Variants in NEU3 observed in about 807,000 individuals in gnomAD.
NEU3 encodes neuraminidase 3.
In NEU3, 10 loss-of-function variants were observed where a neutral mutation model predicts 11.4. That is an observed-to-expected ratio of 0.88 (90% CI 0.54 to 1.49). The LOEUF (loss-of-function observed/expected upper bound fraction) is 1.49. NEU3 is among the 40% of genes most tolerant of loss of function. The probability of loss-of-function intolerance (pLI) is 0.00; values close to 1 mark genes in which losing one functional copy is unlikely to be tolerated. For missense variants in NEU3, 529 were observed against 581.8 expected (o/e 0.91, Z 0.93); for synonymous variants, 212 against 228.2 (o/e 0.93, Z 0.64).
In NEU3 at chr11:75,009,962, C is replaced by T. The variant is rs1187579967; in HGVS notation, c.*3470C>T. 6.6e-6 allele frequency: 1 copy of T among 152,258 alleles called. No homozygotes were observed. The highest frequency in any genetic ancestry group is 1.5e-5 in the Non-Finnish European group (1 of 68,070). 9.4% of individuals were successfully genotyped at this position (152,258 alleles called of 1,614,324 possible). ...GCCCAGAGGACCCACAAAGGTCAAC[C>T]TGAGTCTCCACAGCCTCCTCCCCAG... On this transcript the variant is annotated 3_prime_UTR_variant, in exon 3 of 3. Coordinates refer to ENST00000294064, the MANE Select transcript of NEU3 (RefSeq NM_006656.6).
chr11:74,990,206 T>G (rs1357420517), intron 1 of NEU3: 1 of 542,300 alleles, frequency 1.8e-6, no homozygotes, highest in African/African-American at 1.9e-5. Flanking sequence ...TAGGTAGGTA[T>G]TATTATCCAT....
At chr11:75,015,663 T>A (rs1167590198), downstream of NEU3, among the ~76,000 whole-genome samples, 3 of 152,090 alleles carry the variant, frequency 2.0e-5, no homozygotes, top group African/African-American at 7.2e-5. Flanking sequence ...TACTTCTTCA[T>A]ATATTACCTT....
At chr11:74,994,193 A>G (rs1387474805) in intron 1 of NEU3, among the ~76,000 whole-genome samples, 1 of 152,190 alleles carries the variant, frequency 6.6e-6, no homozygotes, top group Non-Finnish European at 1.5e-5. Context: ...AATAAAAACC[A>G]CCTCAGGCTG....
intron 1 of NEU3, among the ~76,000 whole-genome samples, chr11:74,994,245 C>T (rs113348233): frequency 3.2e-4 from 49 of 152,296 alleles, no homozygotes; most frequent in African/African-American, 1.2e-3. Context: ...TGCAAAACCG[C>T]TCTGCTCCAA....
intron 1 of NEU3, among the ~76,000 whole-genome samples, chr11:74,990,392 T>C (rs1334850805): frequency 6.6e-6 from 1 of 152,130 alleles, no homozygotes; most frequent in Non-Finnish European, 1.5e-5. Context: ...AGTCTTGCTG[T>C]GTCACCCAAG....
At chr11:74,999,758 T>C (rs1948825034) in intron 2 of NEU3, among the ~76,000 whole-genome samples, 1 of 152,230 alleles carries the variant, frequency 6.6e-6, no homozygotes, top group Admixed American at 6.5e-5. Flanking sequence ...TCTACTTCTC[T>C]ATAATTACCC....
chr11:75,020,503 A>G (rs1948998306), downstream of NEU3, among the ~76,000 whole-genome samples: 1 of 152,148 alleles, frequency 6.6e-6, no homozygotes, highest in Non-Finnish European at 1.5e-5. Flanking sequence ...GATCGTGAAC[A>G]AGTCTCATGA....
chr11:75,005,334 A>G, intron 2 of NEU3, 79 bp from the exon 3 acceptor site: 1 of 1,359,196 alleles, frequency 7.4e-7, no homozygotes, highest in Non-Finnish European at 9.8e-7. Flanking sequence ...CTTATTTATG[A>G]AAAATACTAA....
chr11:75,013,803 A>C (rs1948969914), downstream of NEU3, among the ~76,000 whole-genome samples: 1 of 152,240 alleles, frequency 6.6e-6, no homozygotes, highest in East Asian at 1.9e-4. Flanking sequence ...GAAAGCTGAG[A>C]TTCAGCAAGG....
At chr11:75,013,760 C>G (rs1320707417), downstream of NEU3, among the ~76,000 whole-genome samples, 1 of 152,220 alleles carries the variant, frequency 6.6e-6, no homozygotes, top group East Asian at 1.9e-4. Context: ...CATACATTCT[C>G]TCGCTTAATT....
upstream of NEU3, among the ~76,000 whole-genome samples, chr11:74,985,617 A>G (rs538912874): frequency 6.6e-6 from 1 of 152,320 alleles, no homozygotes; most frequent in East Asian, 1.9e-4. Flanking sequence ...GCGACTCAGC[A>G]TATATGACTA....
intron 1 of NEU3, chr11:74,989,944 T>C (rs769375268): frequency 1.4e-6 from 1 of 702,246 alleles, no homozygotes; most frequent in South Asian, 1.5e-5. Context: ...TATCTGATTA[T>C]TTTCTATCCC....
In NEU3 at chr11:75,005,966, C is replaced by T. The variant is rs201661038; in HGVS notation, c.860C>T (p.Ala287Val). 65 of 1,613,828 alleles carry T rather than the reference C, an allele frequency of 4.0e-5. No individual in the cohort carries two copies. The highest frequency in any genetic ancestry group is 8.9e-5 in the East Asian group (4 of 44,866). The change falls in exon 3 of 3, where the codon GCG becomes GTG. Residue 287 changes from alanine to valine, a missense_variant. Ala to Val is a moderately conservative substitution (Grantham distance 64, BLOSUM62 0). Transcript: ENST00000294064. ...ACACCAAACAGGTGCCGGGCAGAGG[C>T]GCTCAGCACTGACCATGGTGAAGGC... The part of the protein sequence containing the change: ...ARTPNRCRAE[A>V]LSTDHGEGFQ...
intron 2 of NEU3, among the ~76,000 whole-genome samples, chr11:74,995,200 T>C (rs1456279985): frequency 6.6e-6 from 1 of 152,224 alleles, no homozygotes. Context: ...GGTAAGTAAC[T>C]TGCTCAGGAC....
chr11:74,999,936 A>G (rs1022539216), intron 2 of NEU3, among the ~76,000 whole-genome samples: 4 of 152,192 alleles, frequency 2.6e-5, no homozygotes, highest in Non-Finnish European at 5.9e-5. Flanking sequence ...CTTAGGGCAC[A>G]GTCCTGATTT....
At chr11:74,995,031 C>T (rs1948775038) in intron 2 of NEU3, 2 of 577,896 alleles carry the variant, frequency 3.5e-6, no homozygotes, top group African/African-American at 1.9e-5. Flanking sequence ...AAGCTGGTTT[C>T]AAACTCAGTC....
downstream of NEU3, among the ~76,000 whole-genome samples, chr11:75,020,094 C>T (rs1273494505): frequency 6.6e-6 from 1 of 152,172 alleles, no homozygotes; most frequent in Non-Finnish European, 1.5e-5. Context: ...TTTGACTGCC[C>T]TGCTGGATTT....
In NEU3 at chr11:75,006,562, C is replaced by T; in HGVS notation, c.*70C>T. Reference sequence around the variant, plus strand: ...ACAGGTTAACAGAAGCTACTGAAGTCTACAGATAATCAAAAAACTTAATAT... The same window carrying T: ...ACAGGTTAACAGAAGCTACTGAAGTTTACAGATAATCAAAAAACTTAATAT... On this transcript the variant is annotated 3_prime_UTR_variant, in exon 3 of 3. Transcript: ENST00000294064. 1.3e-6 allele frequency: 2 copies of T among 1,483,066 alleles called. No homozygotes were observed. The highest frequency in any genetic ancestry group is 1.8e-6 in the Non-Finnish European group (2 of 1,110,426). The allele number at this position is 1,483,066 out of a possible 1,614,324, so 91.9% of individuals were successfully genotyped here. A position where few individuals can be genotyped will look rare whatever the true frequency, so the allele number is the denominator to read the frequency against.
intron 2 of NEU3, among the ~76,000 whole-genome samples, chr11:74,998,169 A>T (rs1948811761): frequency 6.6e-6 from 1 of 152,262 alleles, no homozygotes; most frequent in Non-Finnish European, 1.5e-5. Context: ...TATCAAGTTC[A>T]CCATGTAATA....
Sources: gnomAD v4.1 joint callset for allele counts (sites outside exome capture counted in the v4.1 genomes callset) on GRCh38, gnomAD v4.1.1 for gene constraint, MANE v1.5 for transcripts, NCBI Gene and HGNC (gene_info 2026-07-23, HGNC 2026-07-21) for gene names.